CDH20: variants seen among roughly 807,000 people sequenced by gnomAD.
The protein encoded by CDH20 is cadherin-20.
Under a neutral mutation model 74.2 loss-of-function variants are expected in CDH20, and 29 were observed. That is an observed-to-expected ratio of 0.39 (90% CI 0.29 to 0.53). The LOEUF (loss-of-function observed/expected upper bound fraction) is 0.53. Among genes scored for constraint, CDH20 ranks in the 20% least tolerant of loss-of-function variants. The pLI, the probability that CDH20 is intolerant of heterozygous loss-of-function variation, is 0.69. For synonymous variants in CDH20, 469 were observed against 405.4 expected, an observed-to-expected ratio of 1.16 and a Z score of -1.88; for missense variants, 988 against 1,048.3, an observed-to-expected ratio of 0.94 and a Z score of 0.79.
chr18:61,400,401 C>T (rs760303330), intron 1 of CDH20, among the ~76,000 whole-genome samples: 1 of 152,180 alleles, frequency 6.6e-6, no homozygotes, highest in Non-Finnish European at 1.5e-5. Flanking sequence ...AAAATTCATT[C>T]TTTTCTTCAG....
chr18:61,554,952 G>T lies in CDH20; in HGVS notation c.*257G>T, dbSNP rs532557327. 3.8e-5 allele frequency: 51 copies of T among 1,340,058 alleles called. No homozygotes were observed. The African/African-American group carries it at 6.7e-4, about 18-fold the overall frequency. 83.0% of individuals were successfully genotyped at this position (1,340,058 alleles called of 1,614,324 possible). A position where few individuals can be genotyped will look rare whatever the true frequency, so the allele number is the denominator to read the frequency against. On this transcript the variant is annotated 3_prime_UTR_variant, in exon 12 of 12. Coordinates refer to ENST00000262717, the MANE Select transcript of CDH20 (RefSeq NM_031891.4). ...TTTTGATTTTTCTGACACTGTGTGC[G>T]AAGGCTTGGAGTCCAAGGTGTTCTG...
At chr18:61,510,482 T>A (rs1299243269) in intron 6 of CDH20, among the ~76,000 whole-genome samples, 8 of 152,230 alleles carry the variant, frequency 5.3e-5, no homozygotes, top group African/African-American at 1.9e-4. Context: ...AACATTAAAA[T>A]GTAACTCAAG....
At chr18:61,530,761 C>A (rs1912609874) in intron 7 of CDH20, among the ~76,000 whole-genome samples, 1 of 152,150 alleles carries the variant, frequency 6.6e-6, no homozygotes, top group Non-Finnish European at 1.5e-5. Context: ...GGATACTGAG[C>A]CATTTGGCAA....
At chr18:61,339,994 C>T (rs1210996508) in intron 1 of CDH20, among the ~76,000 whole-genome samples, 1 of 151,996 alleles carries the variant, frequency 6.6e-6, no homozygotes, top group Non-Finnish European at 1.5e-5. Flanking sequence ...CCGGCCAGGT[C>T]ATAGAAATTT....
At chr18:61,497,145 G>A (rs886080666) in intron 2 of CDH20, among the ~76,000 whole-genome samples, 18 of 149,022 alleles carry the variant, frequency 1.2e-4, no homozygotes, top group South Asian at 2.1e-4. Context: ...TACTGTATAC[G>A]AAATGAGGAA....
At position 61,553,106 on chromosome 18, in the gene CDH20, C is replaced by A. The variant is rs186549557; in HGVS notation, c.1901-1084C>A. On this transcript the variant is annotated intron_variant, in intron 11 of 11. Coordinates refer to ENST00000262717, the MANE Select transcript of CDH20 (RefSeq NM_031891.4). ...ATTGATAAAAAAGCACATCTACATTCAAAAAAATTTTTAAATCATTGTTGT... is the reference window on the plus strand; with the variant it reads ...ATTGATAAAAAAGCACATCTACATTAAAAAAAATTTTTAAATCATTGTTGT... Among the ~76,000 whole-genome samples the A allele has an allele frequency of 2.1e-3, 320 of 152,202 alleles. 2 individuals carry two copies. The highest frequency in any genetic ancestry group is 0.01 in the Middle Eastern group (3 of 294).
At chr18:61,506,918 G>C (rs1911586012) in intron 5 of CDH20, among the ~76,000 whole-genome samples, 2 of 152,024 alleles carry the variant, frequency 1.3e-5, no homozygotes, top group African/African-American at 4.8e-5. Context: ...GCTGGAGACA[G>C]GCACTCAGCA....
chr18:61,462,344 T>C (rs1017115522), intron 1 of CDH20, among the ~76,000 whole-genome samples: 2 of 152,174 alleles, frequency 1.3e-5, no homozygotes, highest in Middle Eastern at 3.2e-3. Context: ...TCAGCATGAA[T>C]CGGCCTTAGG....
At chr18:61,458,692 TGCACATAA>T (rs1461761673) in intron 1 of CDH20, among the ~76,000 whole-genome samples, 8 of 152,222 alleles carry the variant, frequency 5.3e-5, no homozygotes, top group Admixed American at 5.2e-4. Flanking sequence ...GAAGCTAGAT[TGCACATAA>T]GCATCTGAAA....
intron 1 of CDH20, among the ~76,000 whole-genome samples, chr18:61,470,830 G>C (rs1212183752): frequency 3.9e-5 from 6 of 152,106 alleles, no homozygotes; most frequent in African/African-American, 1.4e-4. Flanking sequence ...ATTGAGGAAA[G>C]TTATGCTTGG....
chr18:61,378,977 C>T (rs1911342069), intron 1 of CDH20, among the ~76,000 whole-genome samples: 1 of 151,580 alleles, frequency 6.6e-6, no homozygotes, highest in African/African-American at 2.4e-5. Context: ...CTTTTTCTCC[C>T]CTCTCGGTAG....
At chr18:61,448,329 A>C (rs1056225905) in intron 1 of CDH20, among the ~76,000 whole-genome samples, 2 of 152,176 alleles carry the variant, frequency 1.3e-5, no homozygotes, top group Admixed American at 6.5e-5. Context: ...TTCCCCATCT[A>C]TTAGATACAT....
chr18:61,495,756 G>A (rs1328603568), intron 2 of CDH20, among the ~76,000 whole-genome samples: 1 of 152,140 alleles, frequency 6.6e-6, no homozygotes, highest in African/African-American at 2.4e-5. Flanking sequence ...TTTTCCTGGA[G>A]CTGCGCTCTC....
intron 1 of CDH20, among the ~76,000 whole-genome samples, chr18:61,456,843 T>A (rs1909587573): frequency 6.6e-6 from 1 of 152,096 alleles, no homozygotes; most frequent in South Asian, 2.1e-4. Flanking sequence ...CTCTTCCTGG[T>A]GTGCAGGTGG....
intron 1 of CDH20, among the ~76,000 whole-genome samples, chr18:61,432,368 T>A (rs1913287632): frequency 6.6e-6 from 1 of 152,084 alleles, no homozygotes; most frequent in African/African-American, 2.4e-5. Flanking sequence ...CCCCAGCTGC[T>A]GCTTCTTACT....
At chr18:61,346,010 C>T (rs17068204) in intron 1 of CDH20, among the ~76,000 whole-genome samples, 3,318 of 152,276 alleles carry the variant, frequency 0.022, 75 homozygotes, top group Admixed American at 0.067. Flanking sequence ...TTCCAAGTTC[C>T]TTGAGCCAAT....
chr18:61,469,850 C>T (rs886342440), intron 1 of CDH20, among the ~76,000 whole-genome samples: 9 of 151,982 alleles, frequency 5.9e-5, no homozygotes, highest in East Asian at 1.9e-4. Context: ...ACACCGAACA[C>T]GGGGAGAGGG....
intron 8 of CDH20, 86 bp from the exon 9 acceptor site, chr18:61,538,926 CCAGTCGTAAATA>C (rs1912929070): frequency 7.2e-7 from 1 of 1,394,224 alleles, no homozygotes; most frequent in Admixed American, 1.9e-5. Flanking sequence ...GCCACTGCGC[CCAGTCGTAAATA>C]CCGACTTCTA....
intron 7 of CDH20, among the ~76,000 whole-genome samples, chr18:61,534,577 GA>G (rs1912757143): frequency 6.2e-5 from 7 of 112,640 alleles, no homozygotes; most frequent in Non-Finnish European, 9.3e-5. Flanking sequence ...CTTTAGAAAA[GA>G]AAGAAATTCT....
Sources: gnomAD v4.1 joint callset for allele counts (sites outside exome capture counted in the v4.1 genomes callset) on GRCh38, gnomAD v4.1.1 for gene constraint, MANE v1.5 for transcripts, NCBI Gene and HGNC (gene_info 2026-07-23, HGNC 2026-07-21) for gene names.